Variants in C4orf51 observed in about 807,000 individuals in gnomAD.
C4orf51 encodes the protein uncharacterized protein C4orf51.
In C4orf51, 25 loss-of-function variants were observed where a neutral mutation model predicts 25.2. The observed-to-expected ratio is 0.99, with a 90% CI of 0.72 to 1.39. The LOEUF (loss-of-function observed/expected upper bound fraction) is 1.39, where lower values mean the gene tolerates loss of function less well. Ranked by LOEUF, C4orf51 falls within the 40% of genes most tolerant of loss-of-function variation. C4orf51 has a pLI of 0.00. For synonymous variants in C4orf51, 100 were observed against 84.5 expected (o/e 1.18, Z -1.01); for missense variants, 252 against 239.6 (o/e 1.05, Z -0.34).
intron 1 of C4orf51, among the ~76,000 whole-genome samples, chr4:145,689,698 C>T (rs1204042925): frequency 6.6e-6 from 1 of 151,906 alleles, no homozygotes; most frequent in Non-Finnish European, 1.5e-5. Context: ...GAATAAAGAA[C>T]CCAGAAATTA....
intron 2 of C4orf51, among the ~76,000 whole-genome samples, chr4:145,697,135 T>C (rs1380610887): frequency 6.6e-6 from 1 of 150,410 alleles, no homozygotes; most frequent in African/African-American, 2.4e-5. Context: ...GGTCTCACTC[T>C]GTCACCCAGG....
intron 1 of C4orf51, among the ~76,000 whole-genome samples, chr4:145,741,367 CTT>C (rs1179173100): frequency 1.3e-5 from 2 of 152,026 alleles, no homozygotes; most frequent in Admixed American, 6.5e-5. Flanking sequence ...TTTTTGGACT[CTT>C]TGTATTTAGG....
intron 1 of C4orf51, among the ~76,000 whole-genome samples, chr4:145,753,140 TTGTGTGTG>T (rs57325282): frequency 0.22 from 31,576 of 145,770 alleles, 3,724 homozygotes; most frequent in African/African-American, 0.33. Context: ...TATGAAGGTT[TTGTGTGTG>T]TGTGTGTGTG....
chr4:145,748,183 C>T (rs1298798049), intron 1 of C4orf51, among the ~76,000 whole-genome samples: 4 of 151,996 alleles, frequency 2.6e-5, no homozygotes, highest in African/African-American at 9.7e-5. Context: ...TATCTAGTTG[C>T]TCATAATAGC....
chr4:145,737,747 T>A (rs139475256), downstream of C4orf51, among the ~76,000 whole-genome samples: 268 of 152,370 alleles, frequency 1.8e-3, 2 homozygotes, highest in African/African-American at 6.2e-3. Context: ...AGTATCCTTT[T>A]GATCTGACTC....
chr4:145,740,368 C>G (rs1264634121), intron 1 of C4orf51, among the ~76,000 whole-genome samples: 2 of 150,830 alleles, frequency 1.3e-5, no homozygotes, highest in African/African-American at 4.9e-5. Context: ...GCTATATTTT[C>G]CATTTTTGGT....
At chr4:145,788,214 T>A in the C4orf51 span, among the ~76,000 whole-genome samples, 1 of 152,214 alleles carries the variant, frequency 6.6e-6, no homozygotes, top group African/African-American at 2.4e-5. Context: ...TACTGATTGA[T>A]TTGTATCGTA....
chr4:145,751,343 C>T (rs751085964), intron 1 of C4orf51, among the ~76,000 whole-genome samples: 1 of 152,134 alleles, frequency 6.6e-6, no homozygotes, highest in Non-Finnish European at 1.5e-5. Flanking sequence ...TTTGTATCTG[C>T]ATTACGGGAC....
At chr4:145,686,962 G>T (rs1235294761) in intron 1 of C4orf51, among the ~76,000 whole-genome samples, 3 of 151,158 alleles carry the variant, frequency 2.0e-5, no homozygotes, top group Non-Finnish European at 4.4e-5. Flanking sequence ...CACTTAAGGG[G>T]ATTCTGAGGA....
intron 1 of C4orf51, among the ~76,000 whole-genome samples, chr4:145,746,180 CTTTG>C (rs61549551): frequency 0.41 from 62,234 of 151,568 alleles, 13,969 homozygotes; most frequent in Non-Finnish European, 0.53. Flanking sequence ...TATCTCTTCA[CTTTG>C]TTTGTTTCCT....
At chr4:145,687,165 G>C (rs1411620086) in intron 1 of C4orf51, among the ~76,000 whole-genome samples, 1 of 152,174 alleles carries the variant, frequency 6.6e-6, no homozygotes, top group Non-Finnish European at 1.5e-5. Context: ...ATGCATATCT[G>C]ATTGCCTCCT....
chr4:145,732,467 C>A lies in C4orf51; in HGVS notation c.516C>A (p.Cys172Ter). ...TTTTTCTCCAGCTTCATGGACGGTG[C>A]GATTCTGAAAGCAAGGTTTGCTCAT... The part of the protein sequence containing the change: ...KGVLKHLHGR[C>*]DSESKVCSSE... Residue 172 changes from cysteine to a stop codon, truncating the protein, a stop_gained, in exon 6 of 6, where the codon TGC (cysteine) becomes TGA (stop). Coordinates refer to ENST00000438731, the MANE Select transcript of C4orf51 (RefSeq NM_001080531.3). LOFTEE classifies it low-confidence loss of function (END_TRUNC). The A allele has an allele frequency of 6.2e-7, 1 of 1,609,004 alleles. No individual in the cohort carries two copies. Among genetic ancestry groups the A allele is most frequent in the Non-Finnish European group, 8.5e-7 (1 of 1,177,760 alleles).
the C4orf51 span, among the ~76,000 whole-genome samples, chr4:145,789,528 A>T: frequency 6.6e-6 from 1 of 152,360 alleles, no homozygotes; most frequent in Non-Finnish European, 1.5e-5. Context: ...TGTATTAGAC[A>T]CTATTATTAT....
downstream of C4orf51, among the ~76,000 whole-genome samples, chr4:145,755,157 A>T (rs566472156): frequency 2.0e-5 from 3 of 152,180 alleles, no homozygotes; most frequent in Non-Finnish European, 4.4e-5. Context: ...ATCATAGTTG[A>T]TTATATGTTA....
chr4:145,743,428 T>A (rs1407392727), intron 1 of C4orf51, among the ~76,000 whole-genome samples: 1 of 152,180 alleles, frequency 6.6e-6, no homozygotes, highest in Non-Finnish European at 1.5e-5. Flanking sequence ...TAACTCATCT[T>A]TTTATGAAGA....
downstream of C4orf51, among the ~76,000 whole-genome samples, chr4:145,771,601 T>C (rs933622258): frequency 2.3e-4 from 35 of 152,174 alleles, no homozygotes; most frequent in African/African-American, 8.2e-4. Flanking sequence ...CGCCAGACAG[T>C]GGGAGAAAGA....
chr4:145,684,211 G>A (rs764186041), intron 1 of C4orf51, among the ~76,000 whole-genome samples: 1 of 152,052 alleles, frequency 6.6e-6, no homozygotes, highest in African/African-American at 2.4e-5. Context: ...GGCCGGGCAC[G>A]GTGGCTCACA....
chr4:145,750,186 GT>G (rs569347805), intron 1 of C4orf51, among the ~76,000 whole-genome samples: 14 of 151,650 alleles, frequency 9.2e-5, no homozygotes, highest in South Asian at 6.3e-4. Context: ...ATAATATGCT[GT>G]TTTTTTTCTG....
At chr4:145,695,811 T>A (rs1376369676) in intron 1 of C4orf51, among the ~76,000 whole-genome samples, 2 of 152,168 alleles carry the variant, frequency 1.3e-5, no homozygotes, top group African/African-American at 4.8e-5. Context: ...TACATATACA[T>A]CATGAAATAC....
Sources: gnomAD v4.1 joint callset for allele counts (sites outside exome capture counted in the v4.1 genomes callset) on GRCh38, gnomAD v4.1.1 for gene constraint, MANE v1.5 for transcripts, NCBI Gene and HGNC (gene_info 2026-07-23, HGNC 2026-07-21) for gene names.